JAK1: variants seen among roughly 807,000 people sequenced by gnomAD.
JAK1 encodes Janus kinase 1, also known as tyrosine-protein kinase JAK1.
A neutral mutation model predicts 136.6 loss-of-function variants in JAK1; 16 were observed. That is an observed-to-expected ratio of 0.12 (90% confidence interval 0.08 to 0.18). The LOEUF (loss-of-function observed/expected upper bound fraction) is 0.18. Ranked by LOEUF, JAK1 falls within the 10% of genes least tolerant of loss-of-function variation. The probability of loss-of-function intolerance (pLI) is 1.00; values close to 1 mark genes in which losing one functional copy is unlikely to be tolerated. For synonymous variants in JAK1, 492 were observed against 519.5 expected (o/e 0.95, Z 0.72); for missense variants, 859 against 1,450.1 (o/e 0.59, Z 6.62).
At chr1:64,990,532 T>A (rs547103318) in intron 2 of JAK1, 1 of 152,018 alleles carries the variant, frequency 6.6e-6, no homozygotes, top group Admixed American at 6.6e-5. Context: ...TTTTCAGAGT[T>A]GCCACAATAT....
intron 2 of JAK1, chr1:64,985,059 G>A (rs1458445531): frequency 1.0e-5 from 9 of 885,564 alleles, no homozygotes; most frequent in Non-Finnish European, 1.7e-5. Context: ...CATGAGGATG[G>A]AACAAAAAGC....
At chr1:64,853,438 T>A (rs1439762473) in intron 11 of JAK1, among the ~76,000 whole-genome samples, 5 of 152,212 alleles carry the variant, frequency 3.3e-5, no homozygotes. Context: ...TCTACCTAAG[T>A]GATCTTGGGC....
chr1:65,044,956 T>C (rs1215839240), intron 1 of JAK1, among the ~76,000 whole-genome samples: 2 of 151,962 alleles, frequency 1.3e-5, no homozygotes, highest in African/African-American at 2.4e-5. Flanking sequence ...GGTAAAAATA[T>C]TGTGTGATTA....
intron 2 of JAK1, among the ~76,000 whole-genome samples, chr1:65,008,965 C>T (rs527980175): frequency 6.6e-6 from 1 of 152,212 alleles, no homozygotes; most frequent in Admixed American, 6.5e-5. Flanking sequence ...GGATTTCAGG[C>T]GTGAGCCACT....
At chr1:65,027,005 A>G (rs546166179) in intron 2 of JAK1, among the ~76,000 whole-genome samples, 2 of 152,006 alleles carry the variant, frequency 1.3e-5, no homozygotes, top group Admixed American at 6.6e-5. Flanking sequence ...ATTGTATACT[A>G]TTTGAGATGG....
At chr1:64,998,615 A>G (rs916284461) in intron 2 of JAK1, among the ~76,000 whole-genome samples, 3 of 152,206 alleles carry the variant, frequency 2.0e-5, no homozygotes, top group African/African-American at 4.8e-5. Context: ...CCCAAATCTC[A>G]TCTTGAATTC....
At chr1:65,026,397 G>C (rs1253882886) in intron 2 of JAK1, among the ~76,000 whole-genome samples, 2 of 152,128 alleles carry the variant, frequency 1.3e-5, no homozygotes, top group Non-Finnish European at 2.9e-5. Flanking sequence ...CACAGTTGGA[G>C]ATCTAGAAAA....
chr1:64,872,526 G>A (rs1657133771), intron 5 of JAK1, among the ~76,000 whole-genome samples: 1 of 152,086 alleles, frequency 6.6e-6, no homozygotes, highest in African/African-American at 2.4e-5. Flanking sequence ...TATTATCTAT[G>A]TATCATTTTA....
chr1:64,911,182 C>T (rs1453465370), intron 1 of JAK1, among the ~76,000 whole-genome samples: 2 of 151,848 alleles, frequency 1.3e-5, no homozygotes, highest in Non-Finnish European at 2.9e-5. Context: ...CTAAGAAATA[C>T]TTATTTGGTG....
At chr1:64,910,274 T>A (rs1470622090) in intron 1 of JAK1, among the ~76,000 whole-genome samples, 2 of 152,190 alleles carry the variant, frequency 1.3e-5, no homozygotes, top group African/African-American at 4.8e-5. Flanking sequence ...TTATTTGTAG[T>A]CTACTGCTTT....
intron 4 of JAK1, among the ~76,000 whole-genome samples, chr1:64,877,554 G>A (rs1644692779): frequency 6.6e-6 from 1 of 152,072 alleles, no homozygotes; most frequent in Non-Finnish European, 1.5e-5. Context: ...AAGCTAATCA[G>A]ACAATTCACT....
At chr1:64,957,247 T>C (rs1050319377) in intron 1 of JAK1, among the ~76,000 whole-genome samples, 1 of 152,184 alleles carries the variant, frequency 6.6e-6, no homozygotes, top group African/African-American at 2.4e-5. Flanking sequence ...CTTCCGTTTT[T>C]TCATGGGACA....
intron 2 of JAK1, among the ~76,000 whole-genome samples, chr1:65,016,723 C>T (rs1054352987): frequency 2.6e-5 from 4 of 152,002 alleles, no homozygotes; most frequent in Non-Finnish European, 4.4e-5. Flanking sequence ...AAGTGTGAAA[C>T]CCTGTCTCTA....
At chr1:64,963,515 C>T (rs573391139) in intron 1 of JAK1, among the ~76,000 whole-genome samples, 24 of 152,094 alleles carry the variant, frequency 1.6e-4, no homozygotes, top group Admixed American at 1.1e-3. Context: ...TAATATCAAA[C>T]CATCCACAGG....
At chr1:65,052,694 G>A (rs1213730708) in intron 1 of JAK1, among the ~76,000 whole-genome samples, 1 of 151,858 alleles carries the variant, frequency 6.6e-6, no homozygotes, top group Non-Finnish European at 1.5e-5. Flanking sequence ...GGTGCCTGTA[G>A]TTCCAGCTAC....
At position 64,845,690 on chromosome 1, in the gene JAK1, C is replaced by T. The variant is rs749278469; in HGVS notation, c.1988-50G>A. On this transcript the variant is annotated intron_variant, in intron 14 of 24. Transcript: ENST00000342505. Reference sequence around the variant, plus strand: ...CTGGAACCTGGTCTGTGGCACGGTCCTCTCCTTCATCCCCTTACGACAGTC... The same window carrying T: ...CTGGAACCTGGTCTGTGGCACGGTCTTCTCCTTCATCCCCTTACGACAGTC... The T allele has an allele frequency of 3.9e-5, 63 of 1,611,412 alleles. No homozygotes were observed. In the South Asian group the frequency reaches 6.8e-4, roughly 17 times the overall value.
At chr1:64,958,437 A>C (rs2100615820) in intron 1 of JAK1, among the ~76,000 whole-genome samples, 1 of 152,366 alleles carries the variant, frequency 6.6e-6, no homozygotes, top group Non-Finnish European at 1.5e-5. Flanking sequence ...GTTTTAACTG[A>C]ACAAAATCAG....
intron 1 of JAK1, among the ~76,000 whole-genome samples, chr1:65,065,599 G>A (rs1027848586): frequency 2.6e-5 from 4 of 151,492 alleles, no homozygotes; most frequent in East Asian, 2.0e-4. Flanking sequence ...CAGGACAGGA[G>A]ACCCTTGGGT....
chr1:65,038,262 G>A (rs141878849), intron 2 of JAK1, among the ~76,000 whole-genome samples: 8,524 of 148,776 alleles, frequency 0.057, 332 homozygotes, highest in Admixed American at 0.15. Context: ...ACAATGGCGC[G>A]ATCTCAGCTC....
Sources: allele counts gnomAD v4.1 joint callset (sites outside exome capture counted in the v4.1 genomes callset), GRCh38; gene constraint gnomAD v4.1.1; transcripts MANE v1.5; gene names NCBI Gene and HGNC (gene_info 2026-07-23, HGNC 2026-07-21).